The following ADAM20 variants were observed in gnomAD, a reference collection of about 807,000 sequenced individuals.
ADAM20 encodes disintegrin and metalloproteinase domain-containing protein 20.
For missense variants in ADAM20, 871 were observed against 883.2 expected (o/e 0.99, Z 0.18); for synonymous variants, 305 against 310.2 (o/e 0.98, Z 0.18).
chr14:70,554,165 C>A, the ADAM20 span, among the ~76,000 whole-genome samples: 1 of 152,082 alleles, frequency 6.6e-6, no homozygotes, highest in Non-Finnish European at 1.5e-5. Flanking sequence ...ATCCCATTTA[C>A]AATAGCCACA....
At chr14:70,542,837 A>G in the ADAM20 span, among the ~76,000 whole-genome samples, 2 of 151,958 alleles carry the variant, frequency 1.3e-5, no homozygotes, top group Admixed American at 1.3e-4. Flanking sequence ...TACTTGGGAG[A>G]CTAAGGCAGG....
the ADAM20 span, among the ~76,000 whole-genome samples, chr14:70,546,263 G>T: frequency 2.0e-5 from 3 of 152,130 alleles, no homozygotes; most frequent in Non-Finnish European, 4.4e-5. Flanking sequence ...TTTGAGACAG[G>T]TCTCAGTTAA....
chr14:70,563,297 G>T, the ADAM20 span, among the ~76,000 whole-genome samples: 1 of 152,100 alleles, frequency 6.6e-6, no homozygotes. Flanking sequence ...GAAAAGGTTT[G>T]CTATATTGCA....
chr14:70,529,030 G>T (rs1595019797), intron 1 of ADAM20, among the ~76,000 whole-genome samples: 1 of 152,180 alleles, frequency 6.6e-6, no homozygotes, highest in African/African-American at 2.4e-5. Flanking sequence ...GAACCCAAAT[G>T]TATGAAGCAA....
At chr14:70,570,354 G>GA in the ADAM20 span, among the ~76,000 whole-genome samples, 1 of 151,666 alleles carries the variant, frequency 6.6e-6, no homozygotes, top group Admixed American at 6.6e-5. Flanking sequence ...CTGGTTCATC[G>GA]AAACAAAATT....
chr14:70,560,243 A>G, the ADAM20 span, among the ~76,000 whole-genome samples: 1 of 152,238 alleles, frequency 6.6e-6, no homozygotes, highest in East Asian at 1.9e-4. Flanking sequence ...CAGAAAGGAA[A>G]TAGAAATAAA....
At chr14:70,566,124 G>C in the ADAM20 span, among the ~76,000 whole-genome samples, 1 of 152,088 alleles carries the variant, frequency 6.6e-6, no homozygotes, top group Non-Finnish European at 1.5e-5. Flanking sequence ...AAGACCACAG[G>C]AGTATAAAAC....
chr14:70,524,182 GA>G lies in ADAM20; in HGVS notation c.575del (p.Phe192SerfsTer3), dbSNP rs1459994885. On this transcript the variant is annotated frameshift_variant, in exon 2 of 2. Transcript: ENST00000256389. LOFTEE classifies it low-confidence loss of function (END_TRUNC). ...CCACAAAAGAACTTTGCTTCAGAGT[GA>G]AATTATATGACAATTGCAACTCCAT... The part of the protein sequence containing the change: ...HQMELQLSYN[F>X]TLKQSSFVGW... The G allele has an allele frequency of 6.2e-7, 1 of 1,613,866 alleles. No individual in the cohort carries two copies. The highest frequency in any genetic ancestry group is 1.1e-5 in the South Asian group (1 of 91,070).
At chr14:70,545,938 T>A in the ADAM20 span, among the ~76,000 whole-genome samples, 1 of 152,226 alleles carries the variant, frequency 6.6e-6, no homozygotes, top group Non-Finnish European at 1.5e-5. Context: ...ATATGGATCA[T>A]TTTCAAGGAC....
the ADAM20 span, among the ~76,000 whole-genome samples, chr14:70,559,594 G>C: frequency 3.3e-5 from 5 of 152,184 alleles, no homozygotes; most frequent in Admixed American, 6.5e-5. Context: ...CTTATTCATA[G>C]TAAAAGTCTG....
At chr14:70,534,082 C>CAAAAAAAAAAAA in intron 1 of ADAM20, among the ~76,000 whole-genome samples, 1 of 54,070 alleles carries the variant, frequency 1.8e-5, no homozygotes, top group South Asian at 7.1e-4. Flanking sequence ...GACCCTGTCT[C>CAAAAAAAAAAAA]AAAAAAAAAA....
chr14:70,525,905 T>G (rs1444360815), intron 1 of ADAM20, among the ~76,000 whole-genome samples: 5 of 152,162 alleles, frequency 3.3e-5, no homozygotes, highest in African/African-American at 4.8e-5. Flanking sequence ...CACAGCCAAC[T>G]AGCATCATGA....
At chr14:70,553,611 C>T in the ADAM20 span, among the ~76,000 whole-genome samples, 1 of 148,616 alleles carries the variant, frequency 6.7e-6, no homozygotes, top group African/African-American at 2.5e-5. Flanking sequence ...CAGGATTTAT[C>T]ACTGGGATGT....
the ADAM20 span, among the ~76,000 whole-genome samples, chr14:70,544,928 A>T: frequency 1.3e-5 from 2 of 152,220 alleles, no homozygotes; most frequent in Non-Finnish European, 1.5e-5. Flanking sequence ...AATAAAATTT[A>T]TGAATATCTA....
intron 1 of ADAM20, among the ~76,000 whole-genome samples, chr14:70,527,503 T>C (rs1566657192): frequency 1.3e-5 from 2 of 152,166 alleles, no homozygotes; most frequent in African/African-American, 4.8e-5. Context: ...CCACTAGAAC[T>C]TTCTCTCTTT....
the ADAM20 span, among the ~76,000 whole-genome samples, chr14:70,572,059 G>A: frequency 1.3e-5 from 2 of 152,130 alleles, no homozygotes; most frequent in African/African-American, 2.4e-5. Context: ...ACTGCCAAAA[G>A]ATATCTACAG....
chr14:70,542,241 A>T, the ADAM20 span, among the ~76,000 whole-genome samples: 1 of 152,210 alleles, frequency 6.6e-6, no homozygotes, highest in African/African-American at 2.4e-5. Flanking sequence ...ATCTGTGAGT[A>T]TTCTTAAGTT....
chr14:70,536,757 C>T (rs569981399), upstream of ADAM20, among the ~76,000 whole-genome samples: 41 of 152,012 alleles, frequency 2.7e-4, 1 homozygote, highest in South Asian at 1.7e-3. Flanking sequence ...AGAGACATGC[C>T]AGCCCCAAGA....
the ADAM20 span, among the ~76,000 whole-genome samples, chr14:70,568,328 A>G: frequency 1.3e-5 from 2 of 152,060 alleles, no homozygotes; most frequent in South Asian, 4.1e-4. Flanking sequence ...AAAAGATCAT[A>G]CACAACATAC....
Sources: allele counts gnomAD v4.1 joint callset (sites outside exome capture counted in the v4.1 genomes callset), GRCh38; gene constraint gnomAD v4.1.1; transcripts MANE v1.5; gene names NCBI Gene and HGNC (gene_info 2026-07-23, HGNC 2026-07-21).